The following RASGEF1B variants were observed in gnomAD, a reference collection of about 807,000 sequenced individuals.
RASGEF1B encodes ras-GEF domain-containing family member 1B.
Under a neutral mutation model 65.7 loss-of-function variants are expected in RASGEF1B, and 30 were observed. That is an observed-to-expected ratio of 0.46 (90% confidence interval 0.34 to 0.62). The LOEUF (loss-of-function observed/expected upper bound fraction) is 0.62. Among genes scored for constraint, RASGEF1B ranks in the 20% least tolerant of loss-of-function variants. The pLI is 0.01. For synonymous variants in RASGEF1B, 175 were observed against 194.8 expected (o/e 0.90, Z 0.85); for missense variants, 495 against 580.1 (o/e 0.85, Z 1.51).
chr4:81,428,467 T>A (rs753148098), intron 13 of RASGEF1B, among the ~76,000 whole-genome samples: 1 of 152,238 alleles, frequency 6.6e-6, no homozygotes, highest in Non-Finnish European at 1.5e-5. Flanking sequence ...ATACAGACTC[T>A]TTTTCTTGCC....
chr4:81,451,552 T>A (rs2109985021), intron 4 of RASGEF1B: 1 of 152,356 alleles, frequency 6.6e-6, no homozygotes, highest in Non-Finnish European at 1.5e-5. Context: ...CAACACTTGT[T>A]ACCTTTAAGA....
intron 13 of RASGEF1B, among the ~76,000 whole-genome samples, chr4:81,428,231 C>G (rs1721294848): frequency 6.6e-6 from 1 of 152,168 alleles, no homozygotes; most frequent in African/African-American, 2.4e-5. Flanking sequence ...GTATCTGCCA[C>G]TGATGAATCT....
At chr4:81,443,353 G>A (rs1422253382) in intron 8 of RASGEF1B, among the ~76,000 whole-genome samples, 4 of 152,130 alleles carry the variant, frequency 2.6e-5, no homozygotes, top group Admixed American at 2.6e-4. Context: ...TTTGACTAAT[G>A]TGTAAGTCCA....
At chr4:81,433,304 CCT>C (rs768057696) in intron 12 of RASGEF1B, among the ~76,000 whole-genome samples, 3 of 151,226 alleles carry the variant, frequency 2.0e-5, no homozygotes, top group African/African-American at 4.9e-5. Flanking sequence ...GCTATTAATT[CCT>C]GTAATATTAG....
At chr4:81,431,360 C>A (rs1721423805) in intron 13 of RASGEF1B, among the ~76,000 whole-genome samples, 1 of 151,802 alleles carries the variant, frequency 6.6e-6, no homozygotes, top group Admixed American at 6.6e-5. Flanking sequence ...TTAGCCAAAC[C>A]TTCTTTATGT....
intron 1 of RASGEF1B, among the ~76,000 whole-genome samples, chr4:81,460,910 T>C (rs888220667): frequency 5.9e-5 from 9 of 152,272 alleles, no homozygotes; most frequent in African/African-American, 2.2e-4. Flanking sequence ...AACCACTCTA[T>C]TCACAGAGAT....
At chr4:81,440,766 T>C (rs142350248) in intron 10 of RASGEF1B, 68 bp downstream of exon 10, 4 of 1,023,664 alleles carry the variant, frequency 3.9e-6, no homozygotes, top group Non-Finnish European at 5.9e-6. Flanking sequence ...AGTGTCGTAG[T>C]TCACATAGCA....
At chr4:81,443,843 T>A (rs951009590) in intron 8 of RASGEF1B, among the ~76,000 whole-genome samples, 2 of 152,212 alleles carry the variant, frequency 1.3e-5, no homozygotes, top group Non-Finnish European at 2.9e-5. Flanking sequence ...TTATAAGAAA[T>A]TGCTGAACAG....
intron 9 of RASGEF1B, 36 bp downstream of exon 9, chr4:81,442,261 A>G (rs1333318828): frequency 7.3e-7 from 1 of 1,361,980 alleles, no homozygotes; most frequent in Admixed American, 1.7e-5. Context: ...CCAGGTGTAA[A>G]GTGTTACTTA....
At chr4:81,435,817 G>A in intron 10 of RASGEF1B, among the ~76,000 whole-genome samples, 1 of 111,878 alleles carries the variant, frequency 8.9e-6, no homozygotes. Context: ...GTCTTTCTCT[G>A]TCACCCTGGC....
chr4:81,461,114 T>C lies in RASGEF1B; in HGVS notation c.-6-1600A>G, dbSNP rs367545460. ...TCAATGTTAACATTTTATAAGGCAA[T>C]AGACAAGGTATGTTTCTTTCCTCCT... On this transcript the variant is annotated intron_variant, in intron 1 of 13. Transcript: ENST00000264400. Among the ~76,000 whole-genome samples, 4 of 152,302 alleles carry C rather than the reference T, an allele frequency of 2.6e-5. No homozygotes were observed. In the South Asian group the frequency reaches 6.2e-4, roughly 24 times the overall value.
In RASGEF1B at chr4:81,427,764, T is replaced by A. The variant is rs752355463; in HGVS notation, c.*4A>T. 2 of 1,613,844 alleles carry A rather than the reference T, an allele frequency of 1.2e-6. No homozygotes were observed. The highest frequency in any genetic ancestry group is 1.7e-6 in the Non-Finnish European group (2 of 1,180,012). Reference sequence around the variant, plus strand: ...AGCAGCAGCAGGCAGGCAGCTCCCATGTGTTAAACTCTGCCTAAGAGGCTC... The same window carrying A: ...AGCAGCAGCAGGCAGGCAGCTCCCAAGTGTTAAACTCTGCCTAAGAGGCTC... On this transcript the variant is annotated 3_prime_UTR_variant, in exon 14 of 14. Transcript: ENST00000264400.
rs371961215 is a variant in RASGEF1B, at chr4:81,435,668, G to T, written c.1105-934C>A. Among the ~76,000 whole-genome samples the T allele has an allele frequency of 1.2e-4, 18 of 149,620 alleles. No individual in the cohort carries two copies. In the East Asian group the frequency reaches 2.6e-3, roughly 22 times the overall value. On this transcript the variant is annotated intron_variant, in intron 10 of 13. Coordinates refer to ENST00000264400, the MANE Select transcript of RASGEF1B (RefSeq NM_152545.3). The stretch of plus-strand genomic sequence containing the variant: ...TTTTTGTATTTTTTAGTAGAGACAG[G>T]GTTTCACCGTGTTAGCCAGGATGGT...
At chr4:81,465,996 A>G (rs917714926) in intron 1 of RASGEF1B, among the ~76,000 whole-genome samples, 4 of 152,232 alleles carry the variant, frequency 2.6e-5, no homozygotes, top group Admixed American at 1.3e-4. Context: ...AATAAATCCA[A>G]TGCCTTGATG....
chr4:81,457,431 A>T (rs1722485473), intron 3 of RASGEF1B, 68 bp downstream of exon 3: 1 of 1,567,042 alleles, frequency 6.4e-7, no homozygotes, highest in African/African-American at 1.4e-5. Flanking sequence ...TACTTAAGGA[A>T]CCAACTTCAC....
intron 2 of RASGEF1B, chr4:81,458,936 T>G (rs1722544986): frequency 6.4e-6 from 1 of 157,214 alleles, no homozygotes; most frequent in Non-Finnish European, 1.4e-5. Context: ...CCATATACTT[T>G]CCTTGGTTAC....
intron 5 of RASGEF1B, among the ~76,000 whole-genome samples, chr4:81,447,831 G>A (rs1722089383): frequency 1.3e-5 from 2 of 152,272 alleles, no homozygotes; most frequent in South Asian, 4.1e-4. Flanking sequence ...GGTGAGGAAA[G>A]TCAATAAACT....
At chr4:81,444,942 T>C (rs1721967740) in intron 8 of RASGEF1B, among the ~76,000 whole-genome samples, 1 of 152,236 alleles carries the variant, frequency 6.6e-6, no homozygotes, top group Non-Finnish European at 1.5e-5. Flanking sequence ...TATCAAAAGC[T>C]ATTATCAATA....
At position 81,469,654 on chromosome 4, in the gene RASGEF1B, T is replaced by C. The variant is rs114556022; in HGVS notation, c.-7+2116A>G. Among the ~76,000 whole-genome samples, 1,148 of 151,022 alleles carry C rather than the reference T, an allele frequency of 7.6e-3. 5 individuals are homozygous for C. Among genetic ancestry groups the C allele is most frequent in the Non-Finnish European group, 0.01 (710 of 67,680 alleles). ...ATATATGTACATATATGTGTATATATACACACACACACACACACATATAAA... is the reference window on the plus strand; with the variant it reads ...ATATATGTACATATATGTGTATATACACACACACACACACACACATATAAA... On this transcript the variant is annotated intron_variant, in intron 1 of 13. Coordinates refer to ENST00000264400, the MANE Select transcript of RASGEF1B (RefSeq NM_152545.3).
Sources: gnomAD v4.1 joint callset for allele counts (sites outside exome capture counted in the v4.1 genomes callset) on GRCh38, gnomAD v4.1.1 for gene constraint, MANE v1.5 for transcripts, NCBI Gene and HGNC (gene_info 2026-07-23, HGNC 2026-07-21) for gene names.